The following WDR37 variants were observed in gnomAD, a reference collection of about 807,000 sequenced individuals.
WDR37 encodes the protein WD repeat domain 37.
A neutral mutation model predicts 62.9 loss-of-function variants in WDR37; 19 were observed. The observed-to-expected ratio is 0.30, with a 90% CI of 0.21 to 0.44. The LOEUF (loss-of-function observed/expected upper bound fraction) is 0.44, where lower values mean the gene tolerates loss of function less well. Ranked by LOEUF, WDR37 falls within the 20% of genes least tolerant of loss-of-function variation. The probability of loss-of-function intolerance (pLI) is 1.00; values close to 1 mark genes in which losing one functional copy is unlikely to be tolerated. For missense variants in WDR37, 474 were observed against 657.6 expected, an observed-to-expected ratio of 0.72 and a Z score of 3.05; for synonymous variants, 250 against 260.9, an observed-to-expected ratio of 0.96 and a Z score of 0.40.
At chr10:1,065,099 G>T (rs552802913) in intron 1 of WDR37, among the ~76,000 whole-genome samples, 47 of 152,294 alleles carry the variant, frequency 3.1e-4, no homozygotes, top group African/African-American at 1.0e-3. Context: ...CAAAAGAAAT[G>T]TGGGAACATC....
intron 8 of WDR37, 136 bp from the exon 9 acceptor site, chr10:1,096,033 TA>T: frequency 1.4e-6 from 1 of 712,408 alleles, no homozygotes; most frequent in Non-Finnish European, 2.4e-6. Flanking sequence ...GTTATTTAAG[TA>T]AAAAGTACAT....
intron 8 of WDR37, among the ~76,000 whole-genome samples, 199 bp from the exon 9 acceptor site, chr10:1,095,970 CA>C (rs1467389336): frequency 9.2e-5 from 14 of 152,182 alleles, no homozygotes; most frequent in African/African-American, 3.4e-4. Flanking sequence ...ATTATTTCCT[CA>C]ATTTTGGACA....
intron 1 of WDR37, among the ~76,000 whole-genome samples, chr10:1,069,389 A>AT (rs377212232): frequency 1.0e-4 from 10 of 95,778 alleles, no homozygotes; most frequent in South Asian, 7.5e-4. Context: ...ATATATATAT[A>AT]TTTTTTTTTT....
At chr10:1,064,792 A>G (rs901858624) in intron 1 of WDR37, among the ~76,000 whole-genome samples, 4 of 151,874 alleles carry the variant, frequency 2.6e-5, no homozygotes, top group African/African-American at 9.7e-5. Flanking sequence ...GGGTTTCACC[A>G]TGTTAGCCAG....
Position 1,103,326 on chromosome 10 carries a change from G to T in WDR37, c.727-276G>T, listed in dbSNP as rs528806607. 4.6e-5 allele frequency among the ~76,000 whole-genome samples: 7 copies of T among 152,146 alleles called. No individual in the cohort carries two copies. Among genetic ancestry groups the T allele is most frequent in the Non-Finnish European group, 1.0e-4 (7 of 68,032 alleles). ...ATTTTATTTGCCATTCTGTTGATGC[G>T]TGGAAATAAATGGTAGTTCGGTTGA... On this transcript the variant is annotated intron_variant, in intron 9 of 13. Transcript: ENST00000263150. The surrounding 1 kb of genome is among the most constrained non-coding windows in gnomAD (Gnocchi z 6.3).
intron 1 of WDR37, among the ~76,000 whole-genome samples, chr10:1,063,642 G>T (rs1219536674): frequency 6.6e-6 from 1 of 152,172 alleles, no homozygotes; most frequent in Non-Finnish European, 1.5e-5. Context: ...GGTATCATAA[G>T]AGGGACCTTG....
intron 9 of WDR37, among the ~76,000 whole-genome samples, chr10:1,098,671 G>A (rs1834683870): frequency 6.6e-6 from 1 of 152,198 alleles, no homozygotes; most frequent in African/African-American, 2.4e-5. Context: ...CACGCGGCAG[G>A]ATGGCGGTGC....
intron 5 of WDR37, among the ~76,000 whole-genome samples, chr10:1,080,885 A>G (rs1834005668): frequency 6.6e-6 from 1 of 151,998 alleles, no homozygotes; most frequent in Non-Finnish European, 1.5e-5. Context: ...TAGCCTGGGC[A>G]ACAGAGCGAG....
rs578114900 is a variant in WDR37 at position 1,056,658 on chromosome 10, G to A, written c.-351G>A. ...TGGGGGCGTTGGCCCAGCAGCCGAA[G>A]GGGTCTTCAGCGCGCCCAGACCCCT... On this transcript the variant is annotated 5_prime_UTR_variant, in exon 1 of 14. Coordinates refer to ENST00000263150, the MANE Select transcript of WDR37 (RefSeq NM_014023.4). 6.6e-6 allele frequency: 1 copy of A among 152,244 alleles called. No homozygotes were observed. Among genetic ancestry groups the A allele is most frequent in the Non-Finnish European group, 1.5e-5 (1 of 68,054 alleles). The allele number at this position is 152,244 out of a possible 1,614,324, so 9.4% of individuals were successfully genotyped here. A position where few individuals can be genotyped will look rare whatever the true frequency, so the allele number is the denominator to read the frequency against.
intron 2 of WDR37, among the ~76,000 whole-genome samples, chr10:1,075,365 G>C (rs908362569): frequency 1.3e-5 from 2 of 151,396 alleles, no homozygotes; most frequent in African/African-American, 2.4e-5. Context: ...ATGTGCCAAG[G>C]TGGTTTGCTG....
At chr10:1,098,820 G>T (rs1345417500) in intron 9 of WDR37, among the ~76,000 whole-genome samples, 1 of 152,206 alleles carries the variant, frequency 6.6e-6, no homozygotes, top group Non-Finnish European at 1.5e-5. Flanking sequence ...TTGGCAGCCT[G>T]CGTTGAATGA....
chr10:1,106,242 C>T (rs983687765), intron 11 of WDR37, among the ~76,000 whole-genome samples: 4 of 152,056 alleles, frequency 2.6e-5, no homozygotes, highest in Admixed American at 6.6e-5. Flanking sequence ...GTTCCCCGTT[C>T]CCCCATCATG....
At chr10:1,091,984 TCTTGGCTAACAC>T (rs1834403776) in intron 7 of WDR37, among the ~76,000 whole-genome samples, 3 of 146,082 alleles carry the variant, frequency 2.1e-5, no homozygotes. Context: ...ATTGAGACCA[TCTTGGCTAACAC>T]GGTGAAACCC....
At chr10:1,057,262 G>C (rs1564493114) in intron 1 of WDR37, among the ~76,000 whole-genome samples, 1 of 149,952 alleles carries the variant, frequency 6.7e-6, no homozygotes, top group Non-Finnish European at 1.5e-5. Flanking sequence ...GGGTGCGGGA[G>C]GGATGGGGGC....
chr10:1,075,606 G>A (rs1833857267), intron 2 of WDR37, among the ~76,000 whole-genome samples: 1 of 152,094 alleles, frequency 6.6e-6, no homozygotes, highest in Admixed American at 6.6e-5. Flanking sequence ...AGTAGGAACT[G>A]ATTCTGTAGG....
chr10:1,077,987 T>C lies in WDR37; in HGVS notation c.219T>C (p.Tyr73=). 1 of 1,609,678 alleles carries C rather than the reference T, an allele frequency of 6.2e-7. No individual in the cohort carries two copies. The highest frequency in any genetic ancestry group is 1.3e-5 in the African/African-American group (1 of 74,958). The change falls in exon 3 of 14, where the codon TAT becomes TAC. Residue 73 remains tyrosine, a synonymous_variant. Transcript: ENST00000263150. ...TAGAAAGAGAATTTGAAAACCTTTA[T>C]ATCGAAAACTTAGAATGTGAGTATC... The part of the protein sequence containing the change: ...GQIEREFENL[Y]IENLELRREI...
chr10:1,084,871 A>G (rs1467677532), intron 6 of WDR37, among the ~76,000 whole-genome samples: 1 of 152,232 alleles, frequency 6.6e-6, no homozygotes, highest in Non-Finnish European at 1.5e-5. Flanking sequence ...GGGCGTTGCA[A>G]CTCACAGTGA....
At position 1,130,550 on chromosome 10, in the gene WDR37, T is replaced by C. The variant is rs1204672597; in HGVS notation, c.*1206T>C. The C allele has an allele frequency of 6.6e-6, 1 of 152,372 alleles. No individual in the cohort carries two copies. Among genetic ancestry groups the C allele is most frequent in the Non-Finnish European group, 1.5e-5 (1 of 68,070 alleles). 9.4% of individuals were successfully genotyped at this position (152,372 alleles called of 1,614,324 possible). On this transcript the variant is annotated 3_prime_UTR_variant, in exon 14 of 14. Transcript: ENST00000263150. ...TGGAAATTACTGCTCACCTGGTATCTGTACGTTAATGTTTCTTGCTGAGTT... is the reference window on the plus strand; with the variant it reads ...TGGAAATTACTGCTCACCTGGTATCCGTACGTTAATGTTTCTTGCTGAGTT...
At chr10:1,093,001 T>G (rs1834452101) in intron 7 of WDR37, among the ~76,000 whole-genome samples, 1 of 151,476 alleles carries the variant, frequency 6.6e-6, no homozygotes, top group Non-Finnish European at 1.5e-5. Context: ...GAGGTTATAC[T>G]CTCTGGGGTC....
Sources: allele counts gnomAD v4.1 joint callset (sites outside exome capture counted in the v4.1 genomes callset), GRCh38; gene constraint gnomAD v4.1.1; non-coding constraint Gnocchi (gnomAD v3.1); transcripts MANE v1.5; gene names NCBI Gene and HGNC (gene_info 2026-07-23, HGNC 2026-07-21).